TMC3: variants seen among roughly 807,000 people sequenced by gnomAD.
TMC3 encodes transmembrane channel like 3.
TMC3 carries 98 observed loss-of-function variants against 110.6 expected under a neutral mutation model. That is an observed-to-expected ratio of 0.89 (90% CI 0.75 to 1.05). The LOEUF (loss-of-function observed/expected upper bound fraction) is 1.05. Ranked by LOEUF, TMC3 falls within the 50% of genes least tolerant of loss-of-function variation. The pLI is 0.00. For synonymous variants in TMC3, 489 were observed against 513.1 expected, an observed-to-expected ratio of 0.95 and a Z score of 0.63; for missense variants, 1,319 against 1,373.2, an observed-to-expected ratio of 0.96 and a Z score of 0.62.
intron 12 of TMC3, 114 bp downstream of exon 12, chr15:81,346,251 T>G: frequency 1.0e-6 from 1 of 952,420 alleles, no homozygotes; most frequent in Non-Finnish European, 1.7e-6. Flanking sequence ...TTGCACATGA[T>G]TATGGAGTAC....
At chr15:81,363,642 C>T (rs376071822) in intron 3 of TMC3, among the ~76,000 whole-genome samples, 2 of 152,176 alleles carry the variant, frequency 1.3e-5, no homozygotes, top group South Asian at 2.1e-4. Context: ...TCAAATACAG[C>T]CACTCCCATG....
Position 81,339,471 on chromosome 15 carries a change from A to C in TMC3, c.1878T>G (p.Phe626Leu), listed in dbSNP as rs1330911327. The change falls in exon 17 of 22, where the codon TTT becomes TTG. Residue 626 changes from phenylalanine to leucine, a missense_variant. By Grantham distance (22) the Phe-to-Leu change is conservative (BLOSUM62 0). Coordinates refer to ENST00000359440, the MANE Select transcript of TMC3 (RefSeq NM_001080532.3). ...SNNFYLAMLL[F>L]MLFLCMLPTI... ...TTGGCAGCATGCACAGAAACAGCAT[A>C]AACAGGAGCATTGCCAAGTAGAAGT... The C allele has an allele frequency of 6.2e-7, 1 of 1,607,886 alleles. No homozygotes were observed. Among genetic ancestry groups the C allele is most frequent in the Non-Finnish European group, 8.5e-7 (1 of 1,177,044 alleles).
chr15:81,368,928 A>G (rs1293729208), intron 2 of TMC3, among the ~76,000 whole-genome samples: 1 of 152,166 alleles, frequency 6.6e-6, no homozygotes, highest in African/African-American at 2.4e-5. Flanking sequence ...TAATTGGGAT[A>G]GACAGTTAAA....
At chr15:81,337,071 T>G (rs1185513503) in intron 19 of TMC3, among the ~76,000 whole-genome samples, 1 of 152,036 alleles carries the variant, frequency 6.6e-6, no homozygotes, top group Admixed American at 6.6e-5. Context: ...ATGGGAAGTT[T>G]TTTTTTTTTT....
At position 81,332,632 on chromosome 15, in the gene TMC3, CCCTCTG is replaced by C. The variant is rs746909894; in HGVS notation, c.3084_3089del (p.Arg1029_Gly1030del). 1 of 1,613,830 alleles carries C rather than the reference CCCTCTG, an allele frequency of 6.2e-7. No individual in the cohort carries two copies. The highest frequency in any genetic ancestry group is 1.3e-5 in the African/African-American group (1 of 74,906). ...TGAGGGATGGCTCGAACCTGGGCTT[CCCTCTG>C]GGCTTCAGAGGGGGCTGTGGGTATT... is the stretch of plus-strand genomic sequence containing the variant. On this transcript the variant is annotated inframe_deletion, in exon 22 of 22. Coordinates refer to ENST00000359440, the MANE Select transcript of TMC3 (RefSeq NM_001080532.3).
intron 17 of TMC3, 85 bp from the exon 18 acceptor site, chr15:81,338,865 G>A: frequency 1.4e-6 from 2 of 1,460,948 alleles, no homozygotes; most frequent in Non-Finnish European, 1.9e-6. Flanking sequence ...CTGGATGCCT[G>A]GAGGCCAATT....
At position 81,331,610 on chromosome 15, in the gene TMC3, C is replaced by G. The variant is rs1315926945; in HGVS notation, c.*809G>C. 6.6e-6 allele frequency: 1 copy of G among 152,180 alleles called. No homozygotes were observed. The highest frequency in any genetic ancestry group is 2.4e-5 in the African/African-American group (1 of 41,448). The allele number at this position is 152,180 out of a possible 1,614,324, so 9.4% of individuals were successfully genotyped here. On this transcript the variant is annotated 3_prime_UTR_variant, in exon 22 of 22. Coordinates refer to ENST00000359440, the MANE Select transcript of TMC3 (RefSeq NM_001080532.3). ...CCATCAGGTGATGGTCAGGTGGCTG[C>G]TGATTGTCTCTCTAAAATAATAATT...
In TMC3 at chr15:81,355,745, C is replaced by T; in HGVS notation, c.915G>A (p.Glu305=). The T allele has an allele frequency of 6.3e-7, 1 of 1,595,864 alleles. No individual in the cohort carries two copies. Among genetic ancestry groups the T allele is most frequent in the South Asian group, 1.1e-5 (1 of 88,998 alleles). Residue 305 remains glutamate, a synonymous_variant, in exon 9 of 22, where the codon GAG becomes GAA. Coordinates refer to ENST00000359440, the MANE Select transcript of TMC3 (RefSeq NM_001080532.3). ...SIREAILEEQ[E]KKKSKNLAVT... is the part of the protein sequence containing the mutation. ...CCTACAGGTTTTTGCTTTTCTTTTT[C>T]TCCTGTTCTTCCAATATAGCTTCCT...
At chr15:81,365,492 G>A (rs1894291074) in intron 3 of TMC3, among the ~76,000 whole-genome samples, 1 of 152,094 alleles carries the variant, frequency 6.6e-6, no homozygotes, top group Non-Finnish European at 1.5e-5. Context: ...CCAACATGGT[G>A]AAACCCCATC....
intron 2 of TMC3, among the ~76,000 whole-genome samples, 169 bp downstream of exon 2, chr15:81,372,422 C>T (rs907165516): frequency 6.7e-6 from 1 of 148,740 alleles, no homozygotes; most frequent in Admixed American, 6.8e-5. Flanking sequence ...GAACTGGCTT[C>T]TGGACCAGCT....
chr15:81,339,690 G>A (rs1893672479), intron 16 of TMC3, among the ~76,000 whole-genome samples, 186 bp from the exon 17 acceptor site: 1 of 152,100 alleles, frequency 6.6e-6, no homozygotes, highest in South Asian at 2.1e-4. Context: ...CTAGAAATCA[G>A]CGTTCAAAGG....
Position 81,337,116 on chromosome 15 carries a change from G to A in TMC3, c.2161-465C>T, listed in dbSNP as rs547509731. The stretch of plus-strand genomic sequence containing the variant: ...GTGGAAGGAGTTTTTTTGCATGGGT[G>A]AGGTCAGTGAGGCATCTGGGGTGCC... On this transcript the variant is annotated intron_variant, in intron 19 of 21. Transcript: ENST00000359440. Among the ~76,000 whole-genome samples the A allele has an allele frequency of 6.6e-5, 10 of 151,326 alleles. No individual in the cohort carries two copies. In the South Asian group the frequency reaches 1.9e-3, roughly 29 times the overall value.
intron 20 of TMC3, among the ~76,000 whole-genome samples, 188 bp downstream of exon 20, chr15:81,336,421 A>G (rs761729571): frequency 2.0e-5 from 3 of 152,154 alleles, no homozygotes; most frequent in Admixed American, 6.5e-5. Flanking sequence ...TATAAAAATT[A>G]GCCAGGTGTG....
chr15:81,349,696 A>G (rs899406050), intron 10 of TMC3, 129 bp from the exon 11 acceptor site: 2 of 463,630 alleles, frequency 4.3e-6, no homozygotes, highest in Non-Finnish European at 7.3e-6. Flanking sequence ...TCCTCCATGG[A>G]AAATCCCCCC....
At chr15:81,341,902 A>G (rs891591332) in intron 15 of TMC3, among the ~76,000 whole-genome samples, 5 of 152,218 alleles carry the variant, frequency 3.3e-5, no homozygotes, top group Non-Finnish European at 7.3e-5. Flanking sequence ...AGGTTTAATC[A>G]ACATATTTTG....
chr15:81,352,492 T>C (rs752800496), intron 9 of TMC3, among the ~76,000 whole-genome samples: 2 of 152,242 alleles, frequency 1.3e-5, no homozygotes, highest in Non-Finnish European at 2.9e-5. Flanking sequence ...GTATAGTACA[T>C]ACAATTATGT....
chr15:81,366,493 T>A (rs1894320487), intron 3 of TMC3, among the ~76,000 whole-genome samples: 1 of 152,220 alleles, frequency 6.6e-6, no homozygotes, highest in African/African-American at 2.4e-5. Flanking sequence ...TATCAAGTTA[T>A]ACCTTTAATA....
rs148189473 is a variant in TMC3 at position 81,367,199 on chromosome 15, C to T, written c.312+1054G>A. Among the ~76,000 whole-genome samples, 245 of 152,112 alleles carry T rather than the reference C, an allele frequency of 1.6e-3. 1 individual carries two copies. Among genetic ancestry groups the T allele is most frequent in the African/African-American group, 5.5e-3 (230 of 41,492 alleles). On this transcript the variant is annotated intron_variant, in intron 3 of 21. Transcript: ENST00000359440. ...TGGAAGCAATTTAAATATCCACCAG[C>T]GGCCAAATGACTAATTAAATTAATA...
chr15:81,349,200 T>C (rs1024309915), intron 11 of TMC3, among the ~76,000 whole-genome samples: 6 of 152,038 alleles, frequency 3.9e-5, no homozygotes, highest in Admixed American at 2.0e-4. Context: ...CCTCCTCCTC[T>C]TCTTCCTCTT....
Sources: allele counts gnomAD v4.1 joint callset (sites outside exome capture counted in the v4.1 genomes callset), GRCh38; gene constraint gnomAD v4.1.1; transcripts MANE v1.5; gene names NCBI Gene and HGNC (gene_info 2026-07-23, HGNC 2026-07-21).